The following SYNM variants were observed in gnomAD, a reference collection of about 807,000 sequenced individuals.
The protein encoded by SYNM is desmuslin.
Under a neutral mutation model 104.0 loss-of-function variants are expected in SYNM, and 95 were observed. The ratio of observed to expected loss-of-function variants is 0.91; its 90% CI spans 0.77 to 1.08. The LOEUF is 1.08. Ranked by LOEUF, SYNM falls within the 50% of genes least tolerant of loss-of-function variation. SYNM has a pLI of 0.00. For missense variants in SYNM, 2,150 were observed against 2,052.2 expected (o/e 1.05, Z -0.92); for synonymous variants, 918 against 869.0 (o/e 1.06, Z -0.99).
In SYNM at chr15:99,105,780, C is replaced by A; in HGVS notation, c.581C>A (p.Ser194Ter). 1 of 1,540,832 alleles carries A rather than the reference C, an allele frequency of 6.5e-7. No individual in the cohort carries two copies. Among genetic ancestry groups the A allele is most frequent in the Non-Finnish European group, 8.7e-7 (1 of 1,144,674 alleles). The change falls in exon 1 of 4, where the codon TCG (serine) becomes TAG (stop). Residue 194 changes from serine to a stop codon, truncating the protein, a stop_gained. Coordinates refer to ENST00000336292, the MANE Select transcript of SYNM (RefSeq NM_145728.3). LOFTEE classifies it high-confidence loss of function. ...AGCTACGCACTGCTGGTGGCCGAGT[C>A]GTGGCGGGAGACGGTGCAGCTGTAC... ...HDSYALLVAE[S>*]WRETVQLYED...
In SYNM at chr15:99,132,724, C is replaced by T. The variant is rs1555486184; in HGVS notation, c.4364C>T (p.Pro1455Leu). 1.2e-6 allele frequency: 2 copies of T among 1,613,882 alleles called. No homozygotes were observed. Among genetic ancestry groups the T allele is most frequent in the East Asian group, 4.5e-5 (2 of 44,880 alleles). The stretch of plus-strand genomic sequence containing the variant: ...ACGCTAAGGCACATTGCACCAGGGC[C>T]CAAAGAAACTTCGTTTACCTTTCAG... ...SRTLRHIAPG[P>L]KETSFTFQMD... Residue 1455 changes from proline to leucine, a missense_variant, in exon 4 of 4, where the codon CCC becomes CTC. By Grantham distance (98) the Pro-to-Leu change is moderately conservative. Coordinates refer to ENST00000336292, the MANE Select transcript of SYNM (RefSeq NM_145728.3).
At chr15:99,129,225 A>G in intron 3 of SYNM, 142 bp from the exon 4 acceptor site, 1 of 1,258,110 alleles carries the variant, frequency 7.9e-7, no homozygotes, top group Non-Finnish European at 1.1e-6. Flanking sequence ...CACCAAATAT[A>G]ACTTATCTTT....
At position 99,130,001 on chromosome 15, in the gene SYNM, G is replaced by C. The variant is rs2067483793; in HGVS notation, c.1641G>C (p.Lys547Asn). 5.6e-6 allele frequency: 9 copies of C among 1,613,154 alleles called. No homozygotes were observed. The highest frequency in any genetic ancestry group is 7.6e-6 in the Non-Finnish European group (9 of 1,179,488). The part of the protein sequence containing the change: ...LRWEELTKLD[K>N]EARQRESQQM... Reference sequence around the variant, plus strand: ...GGGAAGAATTGACAAAGTTAGATAAGGAAGCGAGACAGAGAGAAAGCCAGC... The same window carrying C: ...GGGAAGAATTGACAAAGTTAGATAACGAAGCGAGACAGAGAGAAAGCCAGC... The change falls in exon 4 of 4, where the codon AAG becomes AAC. Residue 547 changes from lysine to asparagine, a missense_variant. Transcript: ENST00000336292.
Position 99,126,788 on chromosome 15 carries a change from G to A in SYNM, c.1002G>A (p.Pro334=), listed in dbSNP as rs531875542. 172 of 1,566,268 alleles carry A rather than the reference G, an allele frequency of 1.1e-4. No individual in the cohort carries two copies. Among genetic ancestry groups the A allele is most frequent in the South Asian group, 1.8e-4 (15 of 84,598 alleles). Residue 334 remains proline (P), a synonymous_variant, in exon 3 of 4, where the codon CCG becomes CCA. Coordinates refer to ENST00000336292, the MANE Select transcript of SYNM (RefSeq NM_145728.3). ...GGGCTGAGCACGTTGAAAACATGCCGTCAGGTAAGTAAAAGCTAATGACTT... is the reference window on the plus strand; with the variant it reads ...GGGCTGAGCACGTTGAAAACATGCCATCAGGTAAGTAAAAGCTAATGACTT... ...VIWAEHVENM[P]SEFRNKSYHY...
At chr15:99,116,878 T>A (rs1389324776) in intron 2 of SYNM, among the ~76,000 whole-genome samples, 2 of 143,282 alleles carry the variant, frequency 1.4e-5, no homozygotes, top group African/African-American at 5.0e-5. Flanking sequence ...GGTTTCACCA[T>A]ATTGGCCAGG....
In SYNM at chr15:99,105,317, G is replaced by A. The variant is rs2067220235; in HGVS notation, c.118G>A (p.Glu40Lys). ...RELERENLLLEEELRGRRGRE... is the reference protein window; with the variant it reads ...RELERENLLLKEELRGRRGRE... Reference sequence around the variant, plus strand: ...GCTGGAGCGCGAAAACCTACTCCTGGAGGAGGAGCTGCGCGGCCGGCGCGG... The same window carrying A: ...GCTGGAGCGCGAAAACCTACTCCTGAAGGAGGAGCTGCGCGGCCGGCGCGG... The change falls in exon 1 of 4, where the codon GAG (glutamate) becomes AAG (lysine). Residue 40 changes from glutamate (E) to lysine (K), a missense_variant. Coordinates refer to ENST00000336292, the MANE Select transcript of SYNM (RefSeq NM_145728.3). 6.5e-7 allele frequency: 1 copy of A among 1,545,482 alleles called. No homozygotes were observed. The highest frequency in any genetic ancestry group is 1.4e-5 in the African/African-American group (1 of 72,866).
intron 2 of SYNM, among the ~76,000 whole-genome samples, chr15:99,114,246 A>C (rs935274420): frequency 5.3e-5 from 8 of 152,132 alleles, no homozygotes; most frequent in Non-Finnish European, 8.8e-5. Context: ...AGGAGAAGCA[A>C]GAACCTTCTT....
At position 99,121,958 on chromosome 15, in the gene SYNM, T is replaced by A. The variant is rs958583244; in HGVS notation, c.936-4764T>A. 2.0e-5 allele frequency among the ~76,000 whole-genome samples: 3 copies of A among 152,186 alleles called. No individual in the cohort carries two copies. The East Asian group carries it at 5.8e-4, about 29-fold the overall frequency. ...TTCTATGTTTTGGGGATGAAAGATA[T>A]GATAATTGTTCTAAATTTCACCTGA... On this transcript the variant is annotated intron_variant, in intron 2 of 3. Transcript: ENST00000336292.
chr15:99,139,384 T>C, downstream of SYNM: 1 of 1,613,978 alleles, frequency 6.2e-7, no homozygotes, highest in South Asian at 1.1e-5. Flanking sequence ...TATAAGAGGG[T>C]CTGGATCTGG....
chr15:99,106,433 T>C (rs895445138), intron 1 of SYNM, among the ~76,000 whole-genome samples: 5 of 152,218 alleles, frequency 3.3e-5, no homozygotes, highest in African/African-American at 1.2e-4. Flanking sequence ...CCGCTGTCTA[T>C]AGCGCTCCTC....
At position 99,130,877 on chromosome 15, in the gene SYNM, C is replaced by T. The variant is rs782790235; in HGVS notation, c.2517C>T (p.Pro839=). The part of the protein sequence containing the change: ...SYFVSTPDEH[P]GGHDRDDGSV... ...TTGTGTCCACTCCAGATGAACACCCCGGGGGGCACGACAGAGATGACGGCT... is the reference window on the plus strand; with the variant it reads ...TTGTGTCCACTCCAGATGAACACCCTGGGGGGCACGACAGAGATGACGGCT... Residue 839 remains proline, a synonymous_variant, in exon 4 of 4, where the codon CCC becomes CCT. Coordinates refer to ENST00000336292, the MANE Select transcript of SYNM (RefSeq NM_145728.3). The T allele has an allele frequency of 1.5e-5, 25 of 1,613,806 alleles. No individual in the cohort carries two copies. The highest frequency in any genetic ancestry group is 3.3e-5 in the South Asian group (3 of 91,064).
intron 1 of SYNM, among the ~76,000 whole-genome samples, chr15:99,107,956 T>TTG (rs2067264586): frequency 7.6e-5 from 10 of 130,852 alleles, no homozygotes; most frequent in East Asian, 4.3e-4. Context: ...GTTTTGTTTT[T>TTG]TTTTTGGTTT....
intron 2 of SYNM, among the ~76,000 whole-genome samples, chr15:99,120,859 C>T (rs897826446): frequency 1.2e-4 from 19 of 152,042 alleles, no homozygotes; most frequent in Admixed American, 3.9e-4. Context: ...GGTAGTGTGG[C>T]AGGAGGGACA....
At position 99,133,136 on chromosome 15, in the gene SYNM, G is replaced by T; in HGVS notation, c.*78G>T. 1.3e-6 allele frequency: 2 copies of T among 1,562,874 alleles called. No individual in the cohort carries two copies. Among genetic ancestry groups the T allele is most frequent in the Non-Finnish European group, 8.6e-7 (1 of 1,163,444 alleles). On this transcript the variant is annotated 3_prime_UTR_variant, in exon 4 of 4. Transcript: ENST00000336292. ...CAAAGGCCTTAACTTATTTTAAGAG[G>T]CCGAGGGAGTCTATGAAAATCTCCC...
In SYNM at chr15:99,130,579, G is replaced by A. The variant is rs782318807; in HGVS notation, c.2219G>A (p.Arg740Lys). ...INLGLKGREG[R>K]AKVVNVEIVE... ...CTCGGCCTGAAAGGGAGGGAGGGGAGAGCAAAGGTCGTCAACGTGGAGATC... is the reference window on the plus strand; with the variant it reads ...CTCGGCCTGAAAGGGAGGGAGGGGAAAGCAAAGGTCGTCAACGTGGAGATC... Residue 740 changes from arginine to lysine, a missense_variant, in exon 4 of 4, where the codon AGA becomes AAA. Physicochemically the swap from Arg to Lys is conservative, Grantham distance 26. Coordinates refer to ENST00000336292, the MANE Select transcript of SYNM (RefSeq NM_145728.3). 6.2e-7 allele frequency: 1 copy of A among 1,613,800 alleles called. No individual in the cohort carries two copies. Among genetic ancestry groups the A allele is most frequent in the Non-Finnish European group, 8.5e-7 (1 of 1,179,808 alleles).
chr15:99,132,241 A>C lies in SYNM; in HGVS notation c.3881A>C (p.Asp1294Ala). ...SDKVELGVIGDSVHMEGLPGS... is the reference protein window; with the variant it reads ...SDKVELGVIGASVHMEGLPGS... ...AAGGTGGAGTTGGGTGTCATAGGAG[A>C]TTCTGTACACATGGAAGGGTTGCCA... The change falls in exon 4 of 4, where the codon GAT (aspartate) becomes GCT (alanine). Residue 1294 changes from aspartate (D) to alanine (A), a missense_variant. Coordinates refer to ENST00000336292, the MANE Select transcript of SYNM (RefSeq NM_145728.3). The C allele has an allele frequency of 1.9e-6, 3 of 1,610,598 alleles. No individual in the cohort carries two copies. Among genetic ancestry groups the C allele is most frequent in the Non-Finnish European group, 2.5e-6 (3 of 1,177,560 alleles).
the SYNM span, chr15:99,141,165 T>G: frequency 6.6e-6 from 1 of 152,178 alleles, no homozygotes; most frequent in Non-Finnish European, 1.5e-5. Flanking sequence ...TGTAAAACAA[T>G]TTAGCAATAT....
Position 99,130,120 on chromosome 15 carries a change from G to A in SYNM, c.1760G>A (p.Arg587Lys), listed in dbSNP as rs1373538834. ...VPISLEVSQD[R>K]RAEVSPKGLQ... ...ATTAGTCTAGAAGTATCCCAGGACAGAAGAGCAGAGGTGTCCCCGAAAGGT... is the reference window on the plus strand; with the variant it reads ...ATTAGTCTAGAAGTATCCCAGGACAAAAGAGCAGAGGTGTCCCCGAAAGGT... The change falls in exon 4 of 4, where the codon AGA becomes AAA. Residue 587 changes from arginine to lysine, a missense_variant. By Grantham distance (26) the Arg-to-Lys change is conservative. Coordinates refer to ENST00000336292, the MANE Select transcript of SYNM (RefSeq NM_145728.3). The A allele has an allele frequency of 5.6e-6, 9 of 1,613,968 alleles. No individual in the cohort carries two copies. The East Asian group carries it at 2.0e-4, about 36-fold the overall frequency.
Position 99,132,633 on chromosome 15 carries a change from AGAACAT to A in SYNM, c.4274_4279del (p.Arg1425_Phe1427delinsIle). ...CATTGCCATCCGTGGACCCGTGTCC[AGAACAT>A]TTGTGCTTGCTGGTTCAGCGGACTC... On this transcript the variant is annotated inframe_deletion, in exon 4 of 4. Transcript: ENST00000336292. 1 of 1,614,028 alleles carries A rather than the reference AGAACAT, an allele frequency of 6.2e-7. No homozygotes were observed. Among genetic ancestry groups the A allele is most frequent in the Non-Finnish European group, 8.5e-7 (1 of 1,179,896 alleles).
Sources: gnomAD v4.1 joint callset for allele counts (sites outside exome capture counted in the v4.1 genomes callset) on GRCh38, gnomAD v4.1.1 for gene constraint, MANE v1.5 for transcripts, NCBI Gene and HGNC (gene_info 2026-07-23, HGNC 2026-07-21) for gene names.